UAP1: variants seen among roughly 807,000 people sequenced by gnomAD.
The protein encoded by UAP1 is UDP-N-acetylhexosamine pyrophosphorylase.
In UAP1, 25 loss-of-function variants were observed where a neutral mutation model predicts 58.5. That is an observed-to-expected ratio of 0.43 (90% CI 0.31 to 0.60). The LOEUF (loss-of-function observed/expected upper bound fraction) is 0.60. Ranked by LOEUF, UAP1 falls within the 20% of genes least tolerant of loss-of-function variation. The probability of loss-of-function intolerance (pLI) is 0.11; values close to 1 mark genes in which losing one functional copy is unlikely to be tolerated. For missense variants in UAP1, 575 were observed against 630.0 expected (o/e 0.91, Z 0.93); for synonymous variants, 208 against 213.0 (o/e 0.98, Z 0.21).
chr1:162,567,039 C>T (rs987979529), intron 2 of UAP1, among the ~76,000 whole-genome samples: 5 of 152,312 alleles, frequency 3.3e-5, no homozygotes, highest in African/African-American at 4.8e-5. Flanking sequence ...ACCATGCCTT[C>T]CCTGCTTTTG....
exon 2 of UAP1, chr1:162,566,293 G>A (rs771474211): frequency 6.2e-7 from 1 of 1,614,030 alleles, no homozygotes; most frequent in Admixed American, 1.7e-5. Flanking sequence ...TGCCTCGAGA[G>A]GTATTAGGCA....
At chr1:162,579,320 T>G (rs959206910) in intron 3 of UAP1, 108 bp from the exon 4 acceptor site, 27 of 788,082 alleles carry the variant, frequency 3.4e-5, no homozygotes, top group Non-Finnish European at 4.9e-5. Context: ...GTCAAAATAA[T>G]AAGCAAGTGC....
intron 1 of UAP1, among the ~76,000 whole-genome samples, chr1:162,563,590 C>G (rs1164320981): frequency 1.3e-5 from 2 of 152,162 alleles, no homozygotes; most frequent in Non-Finnish European, 2.9e-5. Context: ...GTCTCCATCT[C>G]TTGACCTCAT....
chr1:162,578,427 C>T lies in UAP1; in HGVS notation c.486-1001C>T, dbSNP rs79284020. On this transcript the variant is annotated intron_variant, in intron 3 of 10. Coordinates refer to ENST00000271469, the Ensembl canonical transcript of UAP1. ...TTAAAAAACTGCTTTTTGTAATTTT[C>T]GTAGCTCTTCTAGCTCTTCTCACCA... Among the ~76,000 whole-genome samples, 312 of 152,280 alleles carry T rather than the reference C, an allele frequency of 2.0e-3. 6 individuals carry two copies. The East Asian group carries it at 0.05, about 24-fold the overall frequency.
At chr1:162,579,354 G>A in intron 3 of UAP1, 74 bp from the exon 4 acceptor site, 1 of 1,119,742 alleles carries the variant, frequency 8.9e-7, no homozygotes, top group Non-Finnish European at 1.2e-6. Flanking sequence ...TTTAGCTTAG[G>A]AAATAGACGA....
intron 1 of UAP1, among the ~76,000 whole-genome samples, chr1:162,564,697 C>T (rs1557962129): frequency 6.6e-6 from 1 of 152,160 alleles, no homozygotes; most frequent in Non-Finnish European, 1.5e-5. Flanking sequence ...GTTTGAGAAT[C>T]TACTGTTCGC....
At chr1:162,588,995 A>G (rs1053078855) in intron 7 of UAP1, among the ~76,000 whole-genome samples, 162 bp downstream of exon 7, 3 of 147,854 alleles carry the variant, frequency 2.0e-5, no homozygotes, top group African/African-American at 7.5e-5. Flanking sequence ...GTTCTCTGGA[A>G]TAAAACCAGG....
Position 162,564,882 on chromosome 1 carries a change from C to A in UAP1, c.-57-1130C>A, listed in dbSNP as rs1457628151. 1.3e-5 allele frequency among the ~76,000 whole-genome samples: 2 copies of A among 152,036 alleles called. 1 individual carries two copies. The highest frequency in any genetic ancestry group is 1.3e-4 in the Admixed American group (2 of 15,244). On this transcript the variant is annotated intron_variant, in intron 1 of 10. Transcript: ENST00000271469. ...CACCAGGCTCTGCTTGTTTCCTAATCTTTTATTTTTTTGAGATAGAATTTC... is the reference window on the plus strand; with the variant it reads ...CACCAGGCTCTGCTTGTTTCCTAATATTTTATTTTTTTGAGATAGAATTTC...
At chr1:162,564,642 A>G (rs1653375692) in intron 1 of UAP1, among the ~76,000 whole-genome samples, 1 of 152,022 alleles carries the variant, frequency 6.6e-6, no homozygotes, top group Non-Finnish European at 1.5e-5. Flanking sequence ...TATTGTATCC[A>G]TTGCTCCTTT....
At chr1:162,573,573 A>T (rs73030561) in intron 2 of UAP1, among the ~76,000 whole-genome samples, 3,526 of 152,302 alleles carry the variant, frequency 0.023, 128 homozygotes, top group African/African-American at 0.08. Flanking sequence ...GGGAAGGAAG[A>T]AAGAAGATTT....
At chr1:162,599,994 T>C (rs1242324115), downstream of UAP1, among the ~76,000 whole-genome samples, 2 of 152,232 alleles carry the variant, frequency 1.3e-5, no homozygotes, top group African/African-American at 4.8e-5. Context: ...TATCTTCTTA[T>C]CACTTTATAA....
exon 5 of UAP1, chr1:162,581,362 G>A: frequency 1.2e-6 from 2 of 1,614,082 alleles, no homozygotes; most frequent in African/African-American, 1.3e-5. Context: ...GGCATTTGGA[G>A]CATTCATGTC....
intron 9 of UAP1, 86 bp from the exon 10 acceptor site, chr1:162,597,706 T>C: frequency 2.8e-6 from 3 of 1,077,000 alleles, no homozygotes; most frequent in Admixed American, 2.1e-5. Context: ...TGCAAGCTTC[T>C]CAGAGGAAAG....
chr1:162,568,354 C>G (rs1029658819), intron 2 of UAP1, among the ~76,000 whole-genome samples: 4 of 152,156 alleles, frequency 2.6e-5, no homozygotes, highest in Admixed American at 2.6e-4. Context: ...GAAGCTGCCT[C>G]TTATAGGGAG....
At chr1:162,577,435 C>CAT (rs779214500) in intron 3 of UAP1, among the ~76,000 whole-genome samples, 2 of 95,212 alleles carry the variant, frequency 2.1e-5, no homozygotes, top group Non-Finnish European at 2.0e-5. Flanking sequence ...AGTTCCTTCC[C>CAT]TTTTTTTTTT....
chr1:162,570,599 A>G (rs1217808833), intron 2 of UAP1, among the ~76,000 whole-genome samples: 1 of 152,146 alleles, frequency 6.6e-6, no homozygotes, highest in African/African-American at 2.4e-5. Flanking sequence ...TATTATACCT[A>G]ATGAAATTCA....
chr1:162,585,176 T>A (rs1046586140), intron 5 of UAP1, among the ~76,000 whole-genome samples: 1 of 152,116 alleles, frequency 6.6e-6, no homozygotes, highest in Non-Finnish European at 1.5e-5. Flanking sequence ...AGGTGTAAGC[T>A]ACTGTGCCTG....
At chr1:162,579,512 T>C (rs780538924) in exon 4 of UAP1, 3 of 1,611,604 alleles carry the variant, frequency 1.9e-6, no homozygotes, top group South Asian at 1.1e-5. Context: ...AAAAAGAGAA[T>C]GTAATCTTTT....
chr1:162,592,839 C>T (rs1655403420), intron 9 of UAP1, 57 bp downstream of exon 9: 4 of 1,451,166 alleles, frequency 2.8e-6, no homozygotes, highest in Non-Finnish European at 3.8e-6. Context: ...TCCCTCCATA[C>T]TAACTGGCAT....
Sources: gnomAD v4.1 joint callset for allele counts (sites outside exome capture counted in the v4.1 genomes callset) on GRCh38, gnomAD v4.1.1 for gene constraint, MANE v1.5 for transcripts, NCBI Gene and HGNC (gene_info 2026-07-23, HGNC 2026-07-21) for gene names.